TTN: variants seen among roughly 807,000 people sequenced by gnomAD.
The protein encoded by TTN is connectin.
In TTN, 1,525 loss-of-function variants were observed where a neutral mutation model predicts 3,223.0. That is an observed-to-expected ratio of 0.47 (90% CI 0.45 to 0.49). The LOEUF is 0.49. Among genes scored for constraint, TTN ranks in the 20% least tolerant of loss-of-function variants. TTN has a pLI of 0.00. For missense variants in TTN, 40,786 were observed against 43,424.0 expected, an observed-to-expected ratio of 0.94 and a Z score of 5.40; for synonymous variants, 14,094 against 15,161.0, an observed-to-expected ratio of 0.93 and a Z score of 5.17.
rs756497264 is a variant in TTN at position 178,741,342 on chromosome 2, T to A, written c.11891A>T (p.Glu3964Val). The A allele has an allele frequency of 6.2e-7, 1 of 1,613,878 alleles. No homozygotes were observed. Among genetic ancestry groups the A allele is most frequent in the East Asian group, 2.2e-5 (1 of 44,864 alleles). Reference sequence around the variant, plus strand: ...GAACCATGTAACAGTAGGGGCAGGCTCTCCAACCACTGTGTACTCAAAGAT... The same window carrying A: ...GAACCATGTAACAGTAGGGGCAGGCACTCCAACCACTGTGTACTCAAAGAT... ...PAIFEYTVVG[E>V]PAPTVTWFKE... The change falls in exon 48 of 363, where the codon GAG (glutamate) becomes GTG (valine). Residue 3964 changes from glutamate (E) to valine (V), a missense_variant. Transcript: ENST00000589042.
At chr2:178,791,870 A>C (rs2093522933) in intron 10 of TTN, among the ~76,000 whole-genome samples, 1 of 152,184 alleles carries the variant, frequency 6.6e-6, no homozygotes, top group South Asian at 2.1e-4. Context: ...CAATCTCCTG[A>C]AAACTGATCA....
intron 2 of TTN, 54 bp downstream of exon 2, chr2:178,804,498 T>C (rs1327006804): frequency 6.4e-7 from 1 of 1,565,128 alleles, no homozygotes; most frequent in African/African-American, 1.4e-5. Flanking sequence ...AACGTTAACT[T>C]ACTGGAGAGG....
chr2:178,672,224 T>A lies in TTN; in HGVS notation c.34974A>T (p.Gln11658His), dbSNP rs2067127541. 6.4e-7 allele frequency: 1 copy of A among 1,566,836 alleles called. No homozygotes were observed. Among genetic ancestry groups the A allele is most frequent in the East Asian group, 2.4e-5 (1 of 41,416 alleles). ...LEEKVSVAFR[Q>H]EVVVKERLEL... ...CTAGTCTTTCTTTTACTACTACTTC[T>A]TGGCGGAAGGCAACTGATACTTTTT... is the stretch of plus-strand genomic sequence containing the variant. The change falls in exon 155 of 363, where the codon CAA (glutamine) becomes CAT (histidine). Residue 11658 changes from glutamine to histidine, a missense_variant. Coordinates refer to ENST00000589042, the MANE Select transcript of TTN (RefSeq NM_001267550.2).
chr2:178,704,690 G>A lies in TTN; in HGVS notation c.29782C>T (p.Pro9928Ser). ...TTGTACCACGAAAGCTTGATTTCTGGATAATTAATTTTAATGTCAATTTCA... is the reference window on the plus strand; with the variant it reads ...TTGTACCACGAAAGCTTGATTTCTGAATAATTAATTTTAATGTCAATTTCA... Reference protein sequence around the residue: ...VFEIDIKINYPEIKLSWYKGT... With the variant: ...VFEIDIKINYSEIKLSWYKGT... Residue 9928 changes from proline to serine, a missense_variant, in exon 105 of 363, where the codon CCA becomes TCA. Physicochemically the swap from Pro to Ser is moderately conservative, Grantham distance 74 (BLOSUM62 -1). Coordinates refer to ENST00000589042, the MANE Select transcript of TTN (RefSeq NM_001267550.2). The A allele has an allele frequency of 6.2e-7, 1 of 1,611,434 alleles. No individual in the cohort carries two copies. Among genetic ancestry groups the A allele is most frequent in the Non-Finnish European group, 8.5e-7 (1 of 1,178,910 alleles).
intron 47 of TTN, chr2:178,745,811 G>A (rs2083396605): frequency 6.2e-7 from 1 of 1,613,162 alleles, no homozygotes; most frequent in Non-Finnish European, 8.5e-7. Flanking sequence ...AAAATATGCT[G>A]CTGTACCTAT....
rs190193836 is a variant in TTN at position 178,748,449 on chromosome 2, T to C, written c.11311+4675A>G. The C allele has an allele frequency of 1.9e-5, 30 of 1,613,084 alleles. No individual in the cohort carries two copies. The highest frequency in any genetic ancestry group is 6.7e-5 in the African/African-American group (5 of 74,964). Reference sequence around the variant, plus strand: ...GTGTCAGGTTGTAACGTTTCAGGGCTAGGAATTTTTTCTTTATAATGTATT... The same window carrying C: ...GTGTCAGGTTGTAACGTTTCAGGGCCAGGAATTTTTTCTTTATAATGTATT... On this transcript the variant is annotated intron_variant, in intron 47 of 362. Transcript: ENST00000589042.
At position 178,727,669 on chromosome 2, in the gene TTN, C is replaced by A; in HGVS notation, c.19909G>T (p.Asp6637Tyr). 6.2e-7 allele frequency: 1 copy of A among 1,613,046 alleles called. No homozygotes were observed. The highest frequency in any genetic ancestry group is 1.3e-5 in the African/African-American group (1 of 74,950). Residue 6637 changes from aspartate to tyrosine, a missense_variant, in exon 68 of 363, where the codon GAT becomes TAT. By Grantham distance (160) the Asp-to-Tyr change is radical. Coordinates refer to ENST00000589042, the MANE Select transcript of TTN (RefSeq NM_001267550.2). The stretch of plus-strand genomic sequence containing the variant: ...GTATACTGTCCAGTCTTAGAAGCAT[C>A]CACTGAGTAGAGATTTAAGAAGCTA... ...STSFLNLYSV[D>Y]ASKTGQYTCH...
Position 178,679,703 on chromosome 2 carries a change from A to G in TTN, c.33581-21T>C, listed in dbSNP as rs762313224. On this transcript the variant is annotated intron_variant, in intron 140 of 362. Coordinates refer to ENST00000589042, the MANE Select transcript of TTN (RefSeq NM_001267550.2). ...AGGCACTTTAAAGATATTATTAAGA[A>G]TGTTGGAAATTTTGCAGGAAAGAAA... The G allele has an allele frequency of 1.9e-6, 3 of 1,589,400 alleles. No homozygotes were observed. In the South Asian group the frequency reaches 3.5e-5, roughly 19 times the overall value.
intron 342 of TTN, 34 bp downstream of exon 342, chr2:178,546,178 G>A (rs762467722): frequency 3.8e-6 from 6 of 1,591,306 alleles, no homozygotes; most frequent in Non-Finnish European, 4.3e-6. Context: ...ACTGGAAAAT[G>A]CTATATAAAT....
Position 178,592,132 on chromosome 2 carries a change from C to T in TTN, c.59772G>A (p.Trp19924Ter), listed in dbSNP as rs1308147336. 1 of 1,612,854 alleles carries T rather than the reference C, an allele frequency of 6.2e-7. No homozygotes were observed. ...VERRDVASAQ[W>*]SPLSATSKKK... ...TCTTTGATGTAGCTGAGAGAGGTGA[C>T]CACTGGGCGCTGGCAACATCTCTCC... is the stretch of plus-strand genomic sequence containing the variant. The change falls in exon 302 of 363, where the codon TGG becomes TGA. Residue 19924 changes from tryptophan to a stop codon, truncating the protein, a stop_gained. Coordinates refer to ENST00000589042, the MANE Select transcript of TTN (RefSeq NM_001267550.2). LOFTEE classifies it high-confidence loss of function.
In TTN at chr2:178,602,166, C is replaced by G; in HGVS notation, c.55121-16G>C. On this transcript the variant is annotated splice_polypyrimidine_tract_variant and intron_variant, in intron 283 of 362. Coordinates refer to ENST00000589042, the MANE Select transcript of TTN (RefSeq NM_001267550.2). ...TCTGGTTCCTCTGTAATACCACATACAATTTAACAGGATTTAGCTCATATT... is the reference window on the plus strand; with the variant it reads ...TCTGGTTCCTCTGTAATACCACATAGAATTTAACAGGATTTAGCTCATATT... The G allele has an allele frequency of 6.3e-7, 1 of 1,596,412 alleles. No individual in the cohort carries two copies.
intron 41 of TTN, 57 bp from the exon 42 acceptor site, chr2:178,764,868 T>C (rs1574487694): frequency 3.1e-6 from 5 of 1,597,190 alleles, no homozygotes; most frequent in Non-Finnish European, 4.3e-6. Flanking sequence ...CAAGAGAGCA[T>C]GCAAAACTCT....
rs1347609224 is a variant in TTN at position 178,578,613 on chromosome 2, G to A, written c.68327C>T (p.Thr22776Ile). 1 of 1,607,694 alleles carries A rather than the reference G, an allele frequency of 6.2e-7. No individual in the cohort carries two copies. The highest frequency in any genetic ancestry group is 1.3e-5 in the African/African-American group (1 of 74,742). Residue 22776 changes from threonine (T) to isoleucine (I), a missense_variant and splice_region_variant, in exon 321 of 363, where the codon ACA becomes ATA. Thr to Ile is a moderately conservative substitution (Grantham distance 89, BLOSUM62 -1). Coordinates refer to ENST00000589042, the MANE Select transcript of TTN (RefSeq NM_001267550.2). ...TAGGATAAGAACAAACAAAATACCTGTAATTGGAGAACCACCAGTTTTCTT... is the reference window on the plus strand; with the variant it reads ...TAGGATAAGAACAAACAAAATACCTATAATTGGAGAACCACCAGTTTTCTT... The part of the protein sequence containing the change: ...DPKKTGGSPI[T>I]GYHLEFKERN...
rs1290002563 is a variant in TTN at position 178,706,491 on chromosome 2, CTT to C, written c.29381_29382del (p.Gln9794ArgfsTer4). The C allele has an allele frequency of 5.0e-6, 8 of 1,613,602 alleles. No individual in the cohort carries two copies. Among genetic ancestry groups the C allele is most frequent in the South Asian group, 1.1e-5 (1 of 91,036 alleles). On this transcript the variant is annotated frameshift_variant, in exon 102 of 363. Transcript: ENST00000589042. LOFTEE classifies it high-confidence loss of function. ...GCTCTAAGATCGCCTTCAATTTTCT[CTT>C]GTTTCTTCCTTTCATCCACCTGTAA... ...VNLQVDERKKQEKIEGDLRAM... is the reference protein window; with the variant it reads ...VNLQVDERKKXEKIEGDLRAM...
Position 178,560,631 on chromosome 2 carries a change from A to G in TTN, c.85501T>C (p.Cys28501Arg), listed in dbSNP as rs1559289598. The change falls in exon 326 of 363, where the codon TGT becomes CGT. Residue 28501 changes from cysteine (C) to arginine (R), a missense_variant. By Grantham distance (180) the Cys-to-Arg change is radical. Coordinates refer to ENST00000589042, the MANE Select transcript of TTN (RefSeq NM_001267550.2). ...RETSHLAWTI[C>R]EGELQMTSCK... ...GATGTCATCTGTAACTCTCCTTCAC[A>G]TATTGTCCATGCAAGGTGGCTTGTT... 3 of 1,613,570 alleles carry G rather than the reference A, an allele frequency of 1.9e-6. No homozygotes were observed. The highest frequency in any genetic ancestry group is 1.7e-6 in the Non-Finnish European group (2 of 1,179,766).
At position 178,617,229 on chromosome 2, in the gene TTN, G is replaced by A. The variant is rs757006832; in HGVS notation, c.47766C>T (p.Thr15922=). The change falls in exon 255 of 363, where the codon ACC becomes ACT. Residue 15922 remains threonine (T), a synonymous_variant. Transcript: ENST00000589042. ...KLVPELTYKV[T]GLEKGNKYLY... is the part of the protein sequence containing the mutation. ...AATATTTATTTCCTTTTTCCAATCC[G>A]GTAACCTACGATTATGAATTAATAT... The A allele has an allele frequency of 2.1e-5, 33 of 1,543,228 alleles. No homozygotes were observed. The highest frequency in any genetic ancestry group is 1.7e-4 in the Middle Eastern group (1 of 5,936).
In TTN at chr2:178,611,414, G is replaced by A; in HGVS notation, c.50815C>T (p.Pro16939Ser). Residue 16939 changes from proline to serine, a missense_variant, in exon 269 of 363, where the codon CCA becomes TCA. Coordinates refer to ENST00000589042, the MANE Select transcript of TTN (RefSeq NM_001267550.2). Reference protein sequence around the residue: ...RAVNAIGVSEPSEISENVVAK... With the variant: ...RAVNAIGVSESSEISENVVAK... ...ACCACATTTTCAGAGATTTCAGATG[G>A]CTCGCTGACACCAATAGCATTGACT... 6.2e-7 allele frequency: 1 copy of A among 1,612,854 alleles called. No homozygotes were observed. The highest frequency in any genetic ancestry group is 8.5e-7 in the Non-Finnish European group (1 of 1,179,310).
In TTN at chr2:178,580,045, T is replaced by C; in HGVS notation, c.67242A>G (p.Arg22414=). 6.2e-7 allele frequency: 1 copy of C among 1,613,370 alleles called. No homozygotes were observed. Among genetic ancestry groups the C allele is most frequent in the Non-Finnish European group, 8.5e-7 (1 of 1,179,498 alleles). Residue 22414 remains arginine (R), a synonymous_variant, in exon 318 of 363, where the codon AGA becomes AGG. Transcript: ENST00000589042. ...ATTTTCCCTCCTCCAAATTAGCTAC[T>C]CTGAAGCTTGTTTTGGAGCACTCAG... ...VTTECSKTSF[R]VANLEEGKSY...
At chr2:178,527,793 T>C in intron 361 of TTN, 45 bp from the exon 362 acceptor site, 2 of 1,497,924 alleles carry the variant, frequency 1.3e-6, no homozygotes, top group Non-Finnish European at 9.0e-7. Flanking sequence ...TGACATCTGG[T>C]TAATTGATGA....
Sources: allele counts gnomAD v4.1 joint callset (sites outside exome capture counted in the v4.1 genomes callset), GRCh38; gene constraint gnomAD v4.1.1; transcripts MANE v1.5; gene names NCBI Gene and HGNC (gene_info 2026-07-23, HGNC 2026-07-21).